The following UNC5C variants were observed in gnomAD, a reference collection of about 807,000 sequenced individuals.
UNC5C encodes the protein netrin receptor UNC5C.
A neutral mutation model predicts 99.8 loss-of-function variants in UNC5C; 47 were observed. That is an observed-to-expected ratio of 0.47 (90% CI 0.37 to 0.60). UNC5C has a LOEUF of 0.60. Ranked by LOEUF, UNC5C falls within the 20% of genes least tolerant of loss-of-function variation. The pLI is 0.00. For synonymous variants in UNC5C, 487 were observed against 452.2 expected (o/e 1.08, Z -0.98); for missense variants, 1,062 against 1,165.9 (o/e 0.91, Z 1.30).
At chr4:95,537,723 A>T (rs1168818090) in intron 1 of UNC5C, among the ~76,000 whole-genome samples, 1 of 152,210 alleles carries the variant, frequency 6.6e-6, no homozygotes, top group African/African-American at 2.4e-5. Flanking sequence ...ATAATGCATC[A>T]TACTACTTTC....
At chr4:95,504,092 CAT>C (rs1721848034) in intron 1 of UNC5C, among the ~76,000 whole-genome samples, 1 of 152,302 alleles carries the variant, frequency 6.6e-6, no homozygotes, top group South Asian at 2.1e-4. Context: ...CTTAACTCCA[CAT>C]ATGTTAGCAG....
intron 1 of UNC5C, among the ~76,000 whole-genome samples, chr4:95,462,829 G>T (rs952565921): frequency 6.6e-6 from 1 of 152,124 alleles, no homozygotes; most frequent in Non-Finnish European, 1.5e-5. Context: ...TGATTCTCTA[G>T]ATCCTTTGAT....
At chr4:95,423,210 A>G (rs999314047) in intron 1 of UNC5C, among the ~76,000 whole-genome samples, 2 of 152,194 alleles carry the variant, frequency 1.3e-5, no homozygotes, top group African/African-American at 4.8e-5. Flanking sequence ...GTAGACTGAC[A>G]GGAATTTCTC....
At chr4:95,461,386 A>G (rs1269911264) in intron 1 of UNC5C, among the ~76,000 whole-genome samples, 1 of 100,396 alleles carries the variant, frequency 1.0e-5, no homozygotes, top group East Asian at 4.7e-4. Context: ...TTACTAAAAT[A>G]CTGTATTGTG....
chr4:95,329,164 C>G (rs1743017468), intron 2 of UNC5C, among the ~76,000 whole-genome samples: 1 of 152,068 alleles, frequency 6.6e-6, no homozygotes, highest in Admixed American at 6.5e-5. Context: ...GGTGGTGTGC[C>G]TGTAGTTGTA....
At chr4:95,518,337 CTGTTAATTT>C (rs1722267971) in intron 1 of UNC5C, among the ~76,000 whole-genome samples, 2 of 152,134 alleles carry the variant, frequency 1.3e-5, no homozygotes, top group Admixed American at 6.5e-5. Flanking sequence ...CCTCATTTAT[CTGTTAATTT>C]TGTAACCTAA....
At chr4:95,364,033 A>G (rs1462317487) in intron 1 of UNC5C, among the ~76,000 whole-genome samples, 1 of 152,204 alleles carries the variant, frequency 6.6e-6, no homozygotes, top group African/African-American at 2.4e-5. Context: ...AAGATGTGCC[A>G]CTTGACTGCA....
At chr4:95,533,268 G>T (rs966030563) in intron 1 of UNC5C, among the ~76,000 whole-genome samples, 1 of 151,844 alleles carries the variant, frequency 6.6e-6, no homozygotes, top group African/African-American at 2.4e-5. Flanking sequence ...GCATGGTGGC[G>T]GGCGTCTGTA....
intron 11 of UNC5C, among the ~76,000 whole-genome samples, chr4:95,203,558 C>T (rs929823886): frequency 1.3e-5 from 2 of 152,140 alleles, no homozygotes; most frequent in Non-Finnish European, 2.9e-5. Context: ...CAACCTCCGT[C>T]CCCTAGGCCC....
chr4:95,183,087 C>T, intron 13 of UNC5C, 26 bp from the exon 14 acceptor site: 1 of 1,583,634 alleles, frequency 6.3e-7, no homozygotes, highest in Non-Finnish European at 8.6e-7. Flanking sequence ...GTGTTAACCA[C>T]AATTGAAGGA....
chr4:95,433,331 A>G (rs1317415174), intron 1 of UNC5C, among the ~76,000 whole-genome samples: 1 of 152,178 alleles, frequency 6.6e-6, no homozygotes, highest in South Asian at 2.1e-4. Flanking sequence ...GCAAGAATCA[A>G]ATGGTAATAT....
chr4:95,467,861 A>G (rs1001270145), intron 1 of UNC5C, among the ~76,000 whole-genome samples: 1 of 152,200 alleles, frequency 6.6e-6, no homozygotes, highest in African/African-American at 2.4e-5. Flanking sequence ...GTATTTTTAC[A>G]ATAAGGAAAG....
At chr4:95,194,014 A>T (rs1737271684) in intron 12 of UNC5C, among the ~76,000 whole-genome samples, 1 of 152,128 alleles carries the variant, frequency 6.6e-6, no homozygotes, top group Non-Finnish European at 1.5e-5. Flanking sequence ...TCTGGTGCCC[A>T]TCTGCAAACA....
At chr4:95,303,786 GAT>G (rs140729439) in intron 2 of UNC5C, among the ~76,000 whole-genome samples, 1,743 of 152,226 alleles carry the variant, frequency 0.011, 24 homozygotes, top group African/African-American at 0.04. Context: ...ATATAAAATA[GAT>G]ATGTGTGTAT....
intron 2 of UNC5C, among the ~76,000 whole-genome samples, chr4:95,311,489 A>G (rs999352484): frequency 6.6e-6 from 1 of 152,186 alleles, no homozygotes; most frequent in African/African-American, 2.4e-5. Context: ...CCTAAATCTT[A>G]CTACATGCAT....
Position 95,183,029 on chromosome 4 carries a change from A to G in UNC5C, c.2319T>C (p.Ser773=). ...TGAAGGTGCAGTGCAGGTTTCTTTG[A>G]GATCCACTCCAAACATGGTAAAATG... The part of the protein sequence containing the change: ...EIPFYHVWSG[S]QRNLHCTFTL... Residue 773 remains serine, a synonymous_variant, in exon 14 of 16, where the codon TCT becomes TCC. Transcript: ENST00000453304. 1.9e-6 allele frequency: 3 copies of G among 1,611,428 alleles called. No individual in the cohort carries two copies. The highest frequency in any genetic ancestry group is 2.5e-6 in the Non-Finnish European group (3 of 1,177,918).
At chr4:95,308,712 A>G (rs992884646) in intron 2 of UNC5C, among the ~76,000 whole-genome samples, 5 of 122,148 alleles carry the variant, frequency 4.1e-5, no homozygotes, top group Non-Finnish European at 8.0e-5. Flanking sequence ...AGATTGTGCC[A>G]CTGCACTCCA....
intron 12 of UNC5C, among the ~76,000 whole-genome samples, chr4:95,186,244 A>G (rs1004147900): frequency 7.2e-5 from 11 of 151,784 alleles, no homozygotes; most frequent in African/African-American, 1.9e-4. Context: ...TGGATTTTAG[A>G]AAAAAAGCAA....
chr4:95,479,361 T>C (rs547715397), intron 1 of UNC5C, among the ~76,000 whole-genome samples: 10 of 151,966 alleles, frequency 6.6e-5, no homozygotes, highest in African/African-American at 9.7e-5. Context: ...TTTTAGACCA[T>C]TGGATAGATC....
Sources: gnomAD v4.1 joint callset for allele counts (sites outside exome capture counted in the v4.1 genomes callset) on GRCh38, gnomAD v4.1.1 for gene constraint, MANE v1.5 for transcripts, NCBI Gene and HGNC (gene_info 2026-07-23, HGNC 2026-07-21) for gene names.